SEMA3E: variants seen among roughly 807,000 people sequenced by gnomAD.
The protein encoded by SEMA3E is semaphorin 3E.
In SEMA3E, 49 loss-of-function variants were observed where a neutral mutation model predicts 93.6. The observed-to-expected ratio is 0.52, with a 90% CI of 0.42 to 0.66. The LOEUF (loss-of-function observed/expected upper bound fraction) is 0.66. SEMA3E is among the 30% of genes least tolerant of loss of function. The pLI, the probability that SEMA3E is intolerant of heterozygous loss-of-function variation, is 0.00. For missense variants in SEMA3E, 906 were observed against 964.8 expected (o/e 0.94, Z 0.81); for synonymous variants, 363 against 330.7 (o/e 1.10, Z -1.06).
chr7:83,515,909 C>A (rs528403520), intron 1 of SEMA3E, among the ~76,000 whole-genome samples: 31 of 152,134 alleles, frequency 2.0e-4, no homozygotes, highest in Non-Finnish European at 4.1e-4. Context: ...TGCCTGTAGT[C>A]CCAGCTACTT....
At chr7:83,450,611 G>T (rs867073548) in intron 4 of SEMA3E, among the ~76,000 whole-genome samples, 2 of 151,652 alleles carry the variant, frequency 1.3e-5, no homozygotes, top group African/African-American at 4.8e-5. Flanking sequence ...GTTATTGAAG[G>T]GGGACAACAG....
In SEMA3E at chr7:83,648,882, GAAA is replaced by G. The variant is rs748082408; in HGVS notation, c.-343_-341del. ...TCACTTGGGCAAAGCTGTTCATTCAGAAAAAAAAAAAAAAAAGAGAGAAAAAAA... is the reference window on the plus strand; with the variant it reads ...TCACTTGGGCAAAGCTGTTCATTCAGAAAAAAAAAAAAAGAGAGAAAAAAA... On this transcript the variant is annotated 5_prime_UTR_variant, in exon 1 of 17. Transcript: ENST00000643230. 5.0e-4 allele frequency: 43 copies of G among 86,774 alleles called. No homozygotes were observed. The highest frequency in any genetic ancestry group is 1.4e-3 in the South Asian group (4 of 2,894). 5.4% of individuals were successfully genotyped at this position (86,774 alleles called of 1,614,324 possible).
At chr7:83,555,887 A>C (rs1168826447) in intron 1 of SEMA3E, among the ~76,000 whole-genome samples, 1 of 152,186 alleles carries the variant, frequency 6.6e-6, no homozygotes, top group Admixed American at 6.5e-5. Flanking sequence ...GACCTTACTA[A>C]GGAATTTCCA....
At chr7:83,520,911 AT>A (rs1791031275) in intron 1 of SEMA3E, among the ~76,000 whole-genome samples, 1 of 152,148 alleles carries the variant, frequency 6.6e-6, no homozygotes, top group African/African-American at 2.4e-5. Flanking sequence ...CCCAATAGCA[AT>A]CTGCCTTGGC....
intron 4 of SEMA3E, among the ~76,000 whole-genome samples, chr7:83,422,713 G>A (rs1426002815): frequency 6.6e-6 from 1 of 152,144 alleles, no homozygotes; most frequent in Non-Finnish European, 1.5e-5. Flanking sequence ...TGATGAGGTT[G>A]TTTTATCTAA....
rs542515874 is a variant in SEMA3E at position 83,614,243 on chromosome 7, G to C, written c.115+34185C>G. ...TGAGCTTTTCACATTCTTTCTCAGT[G>C]CCAAAATTCAGGACGTAAACAGCCA... On this transcript the variant is annotated intron_variant, in intron 1 of 16. Coordinates refer to ENST00000643230, the MANE Select transcript of SEMA3E (RefSeq NM_012431.3). 2.7e-3 allele frequency among the ~76,000 whole-genome samples: 408 copies of C among 152,150 alleles called. 2 individuals carry two copies. Among genetic ancestry groups the C allele is most frequent in the Admixed American group, 9.1e-3 (139 of 15,244 alleles).
intron 16 of SEMA3E, among the ~76,000 whole-genome samples, chr7:83,379,466 T>C (rs189023282): frequency 1.3e-5 from 2 of 151,928 alleles, no homozygotes; most frequent in Non-Finnish European, 2.9e-5. Flanking sequence ...GCACTTAGAA[T>C]AGCATGGCAT....
At chr7:83,486,810 C>T (rs1373091414) in intron 2 of SEMA3E, among the ~76,000 whole-genome samples, 2 of 151,988 alleles carry the variant, frequency 1.3e-5, no homozygotes, top group African/African-American at 4.8e-5. Context: ...GGAGTCTTTG[C>T]AATTTTGAAA....
At chr7:83,593,319 TGTGTGTGTGTGTGTG>T (rs1792798841) in intron 1 of SEMA3E, among the ~76,000 whole-genome samples, 1 of 81,894 alleles carries the variant, frequency 1.2e-5, no homozygotes, top group African/African-American at 5.7e-5. Context: ...TGTGTGTGTG[TGTGTGTGTGTGTGTG>T]TTGGGGAGGG....
intron 1 of SEMA3E, among the ~76,000 whole-genome samples, chr7:83,641,997 A>G (rs1794017939): frequency 6.6e-6 from 1 of 152,200 alleles, no homozygotes; most frequent in African/African-American, 2.4e-5. Flanking sequence ...TGCAGTCTGA[A>G]GCCAGATTCA....
chr7:83,647,103 G>T (rs1794088684), intron 1 of SEMA3E, among the ~76,000 whole-genome samples: 1 of 151,850 alleles, frequency 6.6e-6, no homozygotes, highest in South Asian at 2.1e-4. Context: ...TGTTAATTCT[G>T]GGCACTATAT....
rs150652338 is a variant in SEMA3E, at chr7:83,630,842, C to T, written c.115+17586G>A. Among the ~76,000 whole-genome samples the T allele has an allele frequency of 2.6e-5, 4 of 152,044 alleles. No homozygotes were observed. In the East Asian group the frequency reaches 7.7e-4, roughly 29 times the overall value. Reference sequence around the variant, plus strand: ...AAATAGAGGCTGCAAAGAGATTTGGCAAAAATATAGGGTTATTTTAAATTT... The same window carrying T: ...AAATAGAGGCTGCAAAGAGATTTGGTAAAAATATAGGGTTATTTTAAATTT... On this transcript the variant is annotated intron_variant, in intron 1 of 16. Transcript: ENST00000643230.
At chr7:83,443,165 G>C (rs1789154152) in intron 4 of SEMA3E, among the ~76,000 whole-genome samples, 1 of 152,184 alleles carries the variant, frequency 6.6e-6, no homozygotes, top group African/African-American at 2.4e-5. Context: ...AAATCAGAAA[G>C]AGACAGGGTA....
chr7:83,391,976 T>G (rs1788027905), intron 14 of SEMA3E, among the ~76,000 whole-genome samples: 1 of 152,156 alleles, frequency 6.6e-6, no homozygotes, highest in Admixed American at 6.6e-5. Flanking sequence ...AGTGAAGAGA[T>G]ATCCTTATTC....
chr7:83,409,131 A>G (rs1349400827), intron 5 of SEMA3E, among the ~76,000 whole-genome samples: 1 of 152,214 alleles, frequency 6.6e-6, no homozygotes, highest in Admixed American at 6.6e-5. Context: ...AGTTAGTTGC[A>G]ACATGTGGTG....
chr7:83,367,671 T>C lies in SEMA3E; in HGVS notation c.2243A>G (p.Lys748Arg). Reference sequence around the variant, plus strand: ...TTCCTGAGGGTTGGCATACTTCCACTTGGAGGGTGACATTTTAAGCTTTTT... The same window carrying C: ...TTCCTGAGGGTTGGCATACTTCCACCTGGAGGGTGACATTTTAAGCTTTTT... ...KRKKLKMSPS[K>R]WKYANPQEKK... Residue 748 changes from lysine (K) to arginine (R), a missense_variant, in exon 17 of 17, where the codon AAG (lysine) becomes AGG (arginine). Physicochemically the swap from Lys to Arg is conservative, Grantham distance 26. Transcript: ENST00000643230. 6.2e-7 allele frequency: 1 copy of C among 1,614,176 alleles called. No homozygotes were observed.
Position 83,400,165 on chromosome 7 carries a change from A to T in SEMA3E, c.1229T>A (p.Leu410Gln). The T allele has an allele frequency of 6.2e-7, 1 of 1,613,970 alleles. No homozygotes were observed. Among genetic ancestry groups the T allele is most frequent in the Non-Finnish European group, 8.5e-7 (1 of 1,179,954 alleles). Residue 410 changes from leucine (L) to glutamine (Q), a missense_variant, in exon 11 of 17, where the codon CTA (leucine) becomes CAA (glutamine). Transcript: ENST00000643230. ...DAIRFARSHP[L>Q]MYQAIKPAHK... is the part of the protein sequence containing the mutation. ...GGCAGGTTTTATGGCCTGGTACATT[A>T]GTGGATGACTTCTTGCAAATCGGAT...
intron 4 of SEMA3E, among the ~76,000 whole-genome samples, chr7:83,461,145 G>A (rs747284593): frequency 1.3e-3 from 195 of 152,120 alleles, no homozygotes; most frequent in Non-Finnish European, 2.1e-3. Flanking sequence ...CGTAAAATAG[G>A]CAAACGGTCT....
chr7:83,556,403 T>C (rs1791889323), intron 1 of SEMA3E, among the ~76,000 whole-genome samples: 1 of 152,190 alleles, frequency 6.6e-6, no homozygotes, highest in African/African-American at 2.4e-5. Flanking sequence ...CCTTATTAAA[T>C]GCCAGGTCGT....
Sources: gnomAD v4.1 joint callset for allele counts (sites outside exome capture counted in the v4.1 genomes callset) on GRCh38, gnomAD v4.1.1 for gene constraint, MANE v1.5 for transcripts, NCBI Gene and HGNC (gene_info 2026-07-23, HGNC 2026-07-21) for gene names.